Variants in AOPEP observed in about 807,000 individuals in gnomAD.
The protein encoded by AOPEP is aminopeptidase O.
AOPEP carries 77 observed loss-of-function variants against 98.1 expected under a neutral mutation model. The ratio of observed to expected loss-of-function variants is 0.78; its 90% CI spans 0.65 to 0.95. The LOEUF is 0.95. Among genes scored for constraint, AOPEP ranks in the 40% least tolerant of loss-of-function variants. AOPEP has a pLI of 0.00. For synonymous variants in AOPEP, 346 were observed against 365.3 expected (o/e 0.95, Z 0.60); for missense variants, 1,024 against 1,024.7 (o/e 1.00, Z 0.01).
intron 11 of AOPEP, among the ~76,000 whole-genome samples, chr9:95,003,637 C>T (rs530147333): frequency 3.3e-5 from 5 of 152,266 alleles, no homozygotes; most frequent in Admixed American, 2.6e-4. Flanking sequence ...ATTTCCAAAC[C>T]ATTAACTATT....
chr9:95,149,428 A>C, the AOPEP span, among the ~76,000 whole-genome samples: 1 of 152,136 alleles, frequency 6.6e-6, no homozygotes, highest in African/African-American at 2.4e-5. Flanking sequence ...TGTACCCCCA[A>C]ACCTAAAATA....
chr9:94,787,858 T>C (rs1844780314), intron 3 of AOPEP, among the ~76,000 whole-genome samples: 1 of 152,190 alleles, frequency 6.6e-6, no homozygotes, highest in Non-Finnish European at 1.5e-5. Context: ...AAGTAACCAC[T>C]TTTACCTCTT....
chr9:94,928,614 G>T (rs1272226365), intron 7 of AOPEP, 83 bp downstream of exon 7: 1 of 935,338 alleles, frequency 1.1e-6, no homozygotes, highest in East Asian at 2.7e-5. Flanking sequence ...GATGACATCT[G>T]CTGTGTTTCC....
chr9:94,881,011 A>G (rs367734413), intron 5 of AOPEP, among the ~76,000 whole-genome samples: 27 of 152,332 alleles, frequency 1.8e-4, no homozygotes, highest in African/African-American at 5.5e-4. Context: ...AGTCAGAGGT[A>G]ATGGAGTAGC....
intron 5 of AOPEP, among the ~76,000 whole-genome samples, chr9:94,822,586 T>C (rs1753552209): frequency 6.6e-6 from 1 of 152,202 alleles, no homozygotes; most frequent in African/African-American, 2.4e-5. Context: ...TTGAGTTCCG[T>C]TTTTATAACT....
intron 5 of AOPEP, 76 bp downstream of exon 5, chr9:94,801,078 TCTG>T (rs1848119182): frequency 1.3e-6 from 2 of 1,526,342 alleles, no homozygotes; most frequent in African/African-American, 2.7e-5. Context: ...TTCCTTGAGC[TCTG>T]TCAGAGCAGT....
the AOPEP span, chr9:95,142,554 G>C: frequency 6.6e-6 from 1 of 152,170 alleles, no homozygotes. Context: ...TAATGGTTAC[G>C]GGGTATTTAC....
the AOPEP span, among the ~76,000 whole-genome samples, chr9:95,140,510 A>G: frequency 6.6e-6 from 1 of 152,230 alleles, no homozygotes; most frequent in Non-Finnish European, 1.5e-5. Context: ...ACCAGAATGC[A>G]GAATTAAATT....
chr9:95,064,040 T>G (rs960321528), intron 14 of AOPEP, among the ~76,000 whole-genome samples: 1 of 152,212 alleles, frequency 6.6e-6, no homozygotes, highest in Middle Eastern at 3.4e-3. Context: ...TGCCAAAGAA[T>G]GTAACCTTGG....
the AOPEP span, among the ~76,000 whole-genome samples, chr9:95,138,322 G>A: frequency 5.9e-5 from 9 of 152,294 alleles, no homozygotes; most frequent in Non-Finnish European, 1.2e-4. Flanking sequence ...GCCAGACGCC[G>A]TGCCTGTGCT....
intron 11 of AOPEP, among the ~76,000 whole-genome samples, chr9:94,997,637 T>G (rs2061324768): frequency 6.6e-6 from 1 of 152,286 alleles, no homozygotes; most frequent in East Asian, 1.9e-4. Context: ...TAATAAGCAC[T>G]CGAGAGTAGA....
intron 5 of AOPEP, among the ~76,000 whole-genome samples, chr9:94,917,255 C>T (rs1043139638): frequency 1.3e-5 from 2 of 152,234 alleles, no homozygotes; most frequent in Admixed American, 1.3e-4. Flanking sequence ...TCTGTATGGT[C>T]TGCAGAGCTG....
At chr9:95,079,222 C>G (rs1235831849) in intron 14 of AOPEP, among the ~76,000 whole-genome samples, 1 of 152,230 alleles carries the variant, frequency 6.6e-6, no homozygotes, top group Non-Finnish European at 1.5e-5. Flanking sequence ...TGGTTTCTCT[C>G]CTTCAATCTT....
At chr9:94,978,764 G>A (rs932490923) in intron 10 of AOPEP, among the ~76,000 whole-genome samples, 7 of 152,096 alleles carry the variant, frequency 4.6e-5, no homozygotes, top group African/African-American at 1.4e-4. Context: ...TCAAGTCAGC[G>A]GGGCATGAAA....
At chr9:95,138,631 T>A in the AOPEP span, among the ~76,000 whole-genome samples, 1 of 152,182 alleles carries the variant, frequency 6.6e-6, no homozygotes, top group Non-Finnish European at 1.5e-5. Context: ...TGGAAAGGCG[T>A]TTCACTGCAG....
chr9:95,144,807 T>G, the AOPEP span, among the ~76,000 whole-genome samples: 3 of 152,150 alleles, frequency 2.0e-5, no homozygotes, highest in African/African-American at 7.2e-5. Flanking sequence ...GTGAAGCGTG[T>G]GCTCCATTGC....
At chr9:94,753,166 GT>G (rs1191892537) in intron 1 of AOPEP, among the ~76,000 whole-genome samples, 1 of 152,088 alleles carries the variant, frequency 6.6e-6, no homozygotes, top group African/African-American at 2.4e-5. Context: ...TAATAAAATG[GT>G]TGCTGTTTGA....
intron 5 of AOPEP, among the ~76,000 whole-genome samples, chr9:94,909,122 C>T (rs1045881225): frequency 3.9e-5 from 6 of 152,044 alleles, no homozygotes; most frequent in African/African-American, 1.4e-4. Context: ...ACAGTGAGTC[C>T]GTGAATGGAA....
At chr9:95,119,506 A>C in the AOPEP span, among the ~76,000 whole-genome samples, 1 of 151,186 alleles carries the variant, frequency 6.6e-6, no homozygotes, top group Non-Finnish European at 1.5e-5. Context: ...GCTGGGACTA[A>C]AGGCACATGC....
Sources: allele counts gnomAD v4.1 joint callset (sites outside exome capture counted in the v4.1 genomes callset), GRCh38; gene constraint gnomAD v4.1.1; transcripts MANE v1.5; gene names NCBI Gene and HGNC (gene_info 2026-07-23, HGNC 2026-07-21).